The following MCC variants were observed in gnomAD, a reference collection of about 807,000 sequenced individuals.
MCC encodes MCC regulator of Wnt signaling pathway, also known as colorectal mutant cancer protein.
A neutral mutation model predicts 116.2 loss-of-function variants in MCC; 90 were observed. The observed-to-expected ratio is 0.77, with a 90% CI of 0.65 to 0.92. The LOEUF is 0.92. Ranked by LOEUF, MCC falls within the 40% of genes least tolerant of loss-of-function variation. MCC has a pLI of 0.00. For synonymous variants in MCC, 578 were observed against 510.5 expected, an observed-to-expected ratio of 1.13 and a Z score of -1.78; for missense variants, 1,516 against 1,312.2, an observed-to-expected ratio of 1.16 and a Z score of -2.40.
intron 1 of MCC, among the ~76,000 whole-genome samples, chr5:113,465,509 AG>A (rs1771876831): frequency 6.6e-6 from 1 of 152,166 alleles, no homozygotes; most frequent in African/African-American, 2.4e-5. Context: ...GTGAAGAAAA[AG>A]ATTGACAGTG....
At chr5:113,362,857 A>G (rs371778707) in intron 2 of MCC, among the ~76,000 whole-genome samples, 1 of 152,140 alleles carries the variant, frequency 6.6e-6, no homozygotes, top group African/African-American at 2.4e-5. Context: ...CACTAATGGG[A>G]TGACTCCAGG....
At chr5:113,042,165 G>C (rs775260022) in intron 17 of MCC, among the ~76,000 whole-genome samples, 3 of 151,720 alleles carry the variant, frequency 2.0e-5, no homozygotes, top group South Asian at 2.1e-4. Context: ...TAATACAGCA[G>C]ACAAAAAAGA....
At chr5:113,296,056 C>T (rs1481313867) in intron 3 of MCC, among the ~76,000 whole-genome samples, 5 of 152,162 alleles carry the variant, frequency 3.3e-5, no homozygotes, top group African/African-American at 9.7e-5. Flanking sequence ...TTGTTGAGTT[C>T]ATTCATTGCC....
intron 3 of MCC, among the ~76,000 whole-genome samples, chr5:113,228,040 C>G (rs1041401366): frequency 2.0e-5 from 3 of 152,324 alleles, no homozygotes. Context: ...GCTTTAGCCC[C>G]AATGAGCCTG....
At chr5:113,341,180 TTTCC>T (rs372162886) in intron 2 of MCC, among the ~76,000 whole-genome samples, 26 of 151,964 alleles carry the variant, frequency 1.7e-4, no homozygotes, top group African/African-American at 4.4e-4. Context: ...CCTTCCTTCC[TTTCC>T]TTCCTTCCTT....
chr5:113,126,357 T>A (rs1283258486), intron 5 of MCC, among the ~76,000 whole-genome samples: 3 of 152,136 alleles, frequency 2.0e-5, no homozygotes, highest in Non-Finnish European at 4.4e-5. Context: ...ACAAGATAAA[T>A]GGGGCTTCGA....
At chr5:113,074,863 A>G (rs1334903052) in intron 11 of MCC, among the ~76,000 whole-genome samples, 1 of 152,256 alleles carries the variant, frequency 6.6e-6, no homozygotes, top group Non-Finnish European at 1.5e-5. Context: ...AAATGAACAA[A>G]GCCTCCAAGA....
rs563247524 is a variant in MCC, at chr5:113,068,264, G to A, written c.1926-81C>T. ...TGTGGCGCCGGTTTCTGTGCAGGAGGCAGCTCAGGTGCTGTCTCGGCCTCA... is the reference window on the plus strand; with the variant it reads ...TGTGGCGCCGGTTTCTGTGCAGGAGACAGCTCAGGTGCTGTCTCGGCCTCA... On this transcript the variant is annotated intron_variant, in intron 12 of 18. Coordinates refer to ENST00000408903, the MANE Select transcript of MCC (RefSeq NM_001085377.2). 1.5e-5 allele frequency: 16 copies of A among 1,048,168 alleles called. No homozygotes were observed. The African/African-American group carries it at 2.2e-4, about 14-fold the overall frequency. 64.9% of individuals were successfully genotyped at this position (1,048,168 alleles called of 1,614,324 possible).
At chr5:113,066,535 A>G (rs1192665651) in intron 13 of MCC, among the ~76,000 whole-genome samples, 1 of 152,228 alleles carries the variant, frequency 6.6e-6, no homozygotes, top group Non-Finnish European at 1.5e-5. Context: ...CATACAAATG[A>G]AGGTGTGCTC....
chr5:113,365,470 G>A (rs62374390), intron 2 of MCC, among the ~76,000 whole-genome samples: 2,869 of 152,250 alleles, frequency 0.019, 38 homozygotes, highest in Non-Finnish European at 0.022. Context: ...CATTCAACAA[G>A]TCTCTAGGAA....
At chr5:113,125,007 A>G (rs1343531809) in intron 5 of MCC, among the ~76,000 whole-genome samples, 1 of 152,232 alleles carries the variant, frequency 6.6e-6, no homozygotes, top group Non-Finnish European at 1.5e-5. Flanking sequence ...TAGCACAGGC[A>G]AAGGCTCAGA....
At chr5:113,255,693 T>C (rs919697177) in intron 3 of MCC, among the ~76,000 whole-genome samples, 1 of 152,090 alleles carries the variant, frequency 6.6e-6, no homozygotes, top group African/African-American at 2.4e-5. Flanking sequence ...GCTGGGTAGG[T>C]TTCCCACAGA....
At chr5:113,319,754 A>G (rs1767371296) in intron 3 of MCC, among the ~76,000 whole-genome samples, 1 of 152,240 alleles carries the variant, frequency 6.6e-6, no homozygotes, top group South Asian at 2.1e-4. Context: ...TGTTGGCTCT[A>G]GGAACTACTG....
At position 113,052,124 on chromosome 5, in the gene MCC, G is replaced by T. The variant is rs534229178; in HGVS notation, c.2448+1601C>A. Among the ~76,000 whole-genome samples, 107 of 114,148 alleles carry T rather than the reference G, an allele frequency of 9.4e-4. 1 individual carries two copies. The highest frequency in any genetic ancestry group is 4.1e-5 in the Non-Finnish European group (2 of 48,280). The allele number at this position is 114,148 out of a possible 152,430, so 74.9% of individuals were successfully genotyped here. A position where few individuals can be genotyped will look rare whatever the true frequency, so the allele number is the denominator to read the frequency against. ...TTTTCAAGTGGCAAAGGGAGTATTA[G>T]AACTTTTATTCCAACAAAAATGTCT... On this transcript the variant is annotated intron_variant, in intron 15 of 18. Coordinates refer to ENST00000408903, the MANE Select transcript of MCC (RefSeq NM_001085377.2).
rs558305624 is a variant in MCC, at chr5:113,197,233, AT to A, written c.628-45812del. Among the ~76,000 whole-genome samples the A allele has an allele frequency of 2.1e-3, 315 of 151,766 alleles. 1 individual carries two copies. Among genetic ancestry groups the A allele is most frequent in the African/African-American group, 7.3e-3 (303 of 41,266 alleles). Reference sequence around the variant, plus strand: ...ATATAATTACAATTCAAAAGGGGGAATTTTTTTTTCCTAAACCAGTTTTCAG... The same window carrying A: ...ATATAATTACAATTCAAAAGGGGGAATTTTTTTTCCTAAACCAGTTTTCAG... On this transcript the variant is annotated intron_variant, in intron 3 of 18. Transcript: ENST00000408903.
intron 1 of MCC, among the ~76,000 whole-genome samples, chr5:113,416,969 CTTTTTT>C (rs148628081): frequency 0.04 from 4,842 of 122,484 alleles, 297 homozygotes; most frequent in African/African-American, 0.14. Flanking sequence ...TGTGAATTGC[CTTTTTT>C]TTTTTTTTTT....
rs77846518 is a variant in MCC, at chr5:113,423,445, C to T, written c.171-38233G>A. Among the ~76,000 whole-genome samples the T allele has an allele frequency of 1.1e-3, 160 of 152,296 alleles. 2 individuals are homozygous for T. In the East Asian group the frequency reaches 0.015, roughly 14 times the overall value. ...CTCACAAGAATCTAACCCTGTGTTT[C>T]CCCTAGAAGCAACAATTCAATATTT... On this transcript the variant is annotated intron_variant, in intron 1 of 18. Transcript: ENST00000408903.
At chr5:113,481,544 C>G (rs1206788016) in intron 1 of MCC, among the ~76,000 whole-genome samples, 1 of 152,060 alleles carries the variant, frequency 6.6e-6, no homozygotes, top group African/African-American at 2.4e-5. Context: ...CGAGACCAGC[C>G]TGGCCAACAT....
At chr5:113,269,871 G>C (rs893440452) in intron 3 of MCC, among the ~76,000 whole-genome samples, 33 of 152,116 alleles carry the variant, frequency 2.2e-4, no homozygotes, top group African/African-American at 8.0e-4. Context: ...TCAGAGATAA[G>C]GCAACAGAGT....
Sources: gnomAD v4.1 joint callset for allele counts (sites outside exome capture counted in the v4.1 genomes callset) on GRCh38, gnomAD v4.1.1 for gene constraint, MANE v1.5 for transcripts, NCBI Gene and HGNC (gene_info 2026-07-23, HGNC 2026-07-21) for gene names.